CDH12: variants seen among roughly 807,000 people sequenced by gnomAD.
CDH12 encodes cadherin 12.
In CDH12, 41 loss-of-function variants were observed where a neutral mutation model predicts 74.1. The ratio of observed to expected loss-of-function variants is 0.55; its 90% confidence interval spans 0.43 to 0.72. The LOEUF (loss-of-function observed/expected upper bound fraction) is 0.72, where lower values mean the gene tolerates loss of function less well. CDH12 is among the 30% of genes least tolerant of loss of function. CDH12 has a pLI of 0.00. For missense variants in CDH12, 945 were observed against 977.2 expected, an observed-to-expected ratio of 0.97 and a Z score of 0.44; for synonymous variants, 399 against 355.0, an observed-to-expected ratio of 1.12 and a Z score of -1.39.
chr5:22,105,555 A>G (rs1392967373), intron 4 of CDH12, among the ~76,000 whole-genome samples: 1 of 151,456 alleles, frequency 6.6e-6, no homozygotes, highest in Non-Finnish European at 1.5e-5. Flanking sequence ...AAACTTAGCC[A>G]GGTGTGGTGT....
At chr5:22,606,322 TG>T (rs1274975149) in intron 1 of CDH12, among the ~76,000 whole-genome samples, 1 of 152,206 alleles carries the variant, frequency 6.6e-6, no homozygotes, top group African/African-American at 2.4e-5. Context: ...TGCCATCTCA[TG>T]GGTGTCACTG....
At chr5:22,430,266 T>C (rs969468625) in intron 2 of CDH12, among the ~76,000 whole-genome samples, 6 of 152,238 alleles carry the variant, frequency 3.9e-5, no homozygotes, top group Non-Finnish European at 7.4e-5. Context: ...ATGGGGATCA[T>C]GTGAACCTCA....
intron 3 of CDH12, among the ~76,000 whole-genome samples, chr5:22,400,906 T>A (rs1742701212): frequency 2.0e-5 from 3 of 152,062 alleles, no homozygotes; most frequent in Admixed American, 2.0e-4. Flanking sequence ...TGGAAGTGAG[T>A]TGACTTTGGG....
At chr5:22,520,850 C>A (rs1016192056) in intron 1 of CDH12, among the ~76,000 whole-genome samples, 3 of 152,124 alleles carry the variant, frequency 2.0e-5, no homozygotes, top group Non-Finnish European at 4.4e-5. Flanking sequence ...TCAAAAGGAT[C>A]ATACTTTGTT....
At chr5:22,367,047 A>G (rs1741065745) in intron 3 of CDH12, among the ~76,000 whole-genome samples, 2 of 152,230 alleles carry the variant, frequency 1.3e-5, no homozygotes, top group South Asian at 2.1e-4. Flanking sequence ...TGTGCAAAAA[A>G]TATGTTAAAT....
rs147167147 is a variant in CDH12, at chr5:22,246,287, A to G, written c.-332-33644T>C. ...ATCAGGAAGACATAGTACCAGTCTT[A>G]GTAATTTTACATTCTAAAGTACTGT... On this transcript the variant is annotated intron_variant, in intron 3 of 14. Coordinates refer to ENST00000382254, the MANE Select transcript of CDH12 (RefSeq NM_004061.5). Among the ~76,000 whole-genome samples, 555 of 152,288 alleles carry G rather than the reference A, an allele frequency of 3.6e-3. 8 individuals carry two copies. The highest frequency in any genetic ancestry group is 0.013 in the African/African-American group (524 of 41,586).
intron 4 of CDH12, among the ~76,000 whole-genome samples, chr5:22,100,199 A>C (rs1395465112): frequency 6.6e-6 from 1 of 152,168 alleles, no homozygotes; most frequent in Non-Finnish European, 1.5e-5. Context: ...GTTTCAGATA[A>C]AAAAATACTT....
chr5:22,617,663 T>C (rs992633749), intron 1 of CDH12, among the ~76,000 whole-genome samples: 14 of 152,160 alleles, frequency 9.2e-5, no homozygotes, highest in African/African-American at 3.4e-4. Flanking sequence ...TAACCTGATA[T>C]TGACTAACAT....
At chr5:22,239,829 A>G (rs1411022357) in intron 3 of CDH12, among the ~76,000 whole-genome samples, 2 of 152,196 alleles carry the variant, frequency 1.3e-5, no homozygotes, top group Non-Finnish European at 2.9e-5. Context: ...ACAGAAAAGA[A>G]TAACACTTTT....
intron 3 of CDH12, among the ~76,000 whole-genome samples, chr5:22,397,388 T>C (rs1156843292): frequency 2.0e-5 from 3 of 152,020 alleles, no homozygotes; most frequent in African/African-American, 7.2e-5. Flanking sequence ...ATTGTGTATC[T>C]TATTTTCAGC....
chr5:22,594,142 T>C (rs184741983), intron 1 of CDH12, among the ~76,000 whole-genome samples: 103 of 152,300 alleles, frequency 6.8e-4, no homozygotes, highest in Admixed American at 3.4e-3. Flanking sequence ...ATCCCTGTTA[T>C]ATTCTAATGC....
chr5:22,358,037 T>C (rs927098433), intron 3 of CDH12, among the ~76,000 whole-genome samples: 5 of 152,178 alleles, frequency 3.3e-5, no homozygotes, highest in African/African-American at 4.8e-5. Context: ...CTAAAGTGCA[T>C]TGAAAGTCCT....
At chr5:21,932,775 T>C (rs546385822) in intron 6 of CDH12, among the ~76,000 whole-genome samples, 5 of 151,222 alleles carry the variant, frequency 3.3e-5, no homozygotes, top group East Asian at 3.9e-4. Context: ...GGCACATGCA[T>C]GTAGTCCCAT....
intron 10 of CDH12, among the ~76,000 whole-genome samples, chr5:21,793,043 A>G (rs531251652): frequency 3.3e-5 from 5 of 151,678 alleles, no homozygotes; most frequent in Non-Finnish European, 5.9e-5. Context: ...GAAGTCCCTT[A>G]TTTTGGACTT....
intron 1 of CDH12, among the ~76,000 whole-genome samples, chr5:22,686,496 T>C (rs775734007): frequency 2.0e-5 from 3 of 152,234 alleles, no homozygotes; most frequent in Non-Finnish European, 4.4e-5. Context: ...ATTCTAAGAA[T>C]TTTGTAGTTT....
chr5:22,118,654 G>T (rs551184037), intron 4 of CDH12, among the ~76,000 whole-genome samples: 1 of 151,950 alleles, frequency 6.6e-6, no homozygotes, highest in East Asian at 1.9e-4. Context: ...GATTCTCCAG[G>T]ATCCTAAAAT....
At chr5:22,544,440 T>A (rs947726693) in intron 1 of CDH12, among the ~76,000 whole-genome samples, 15 of 152,154 alleles carry the variant, frequency 9.9e-5, no homozygotes, top group African/African-American at 3.6e-4. Flanking sequence ...ATGTTCAAAA[T>A]CATTCTGTAC....
chr5:22,790,184 C>T (rs1340159108), intron 1 of CDH12, among the ~76,000 whole-genome samples: 2 of 151,864 alleles, frequency 1.3e-5, no homozygotes, highest in African/African-American at 2.4e-5. Context: ...ATGAACAAAA[C>T]GTGTTTTGTT....
intron 1 of CDH12, among the ~76,000 whole-genome samples, chr5:22,514,874 A>G (rs566985039): frequency 5.9e-4 from 90 of 152,308 alleles, no homozygotes; most frequent in Non-Finnish European, 1.2e-3. Flanking sequence ...AGACATTAAA[A>G]AGGAAGAACC....
Sources: allele counts gnomAD v4.1 joint callset (sites outside exome capture counted in the v4.1 genomes callset), GRCh38; gene constraint gnomAD v4.1.1; transcripts MANE v1.5; gene names NCBI Gene and HGNC (gene_info 2026-07-23, HGNC 2026-07-21).